The following ADAMTS9 variants were observed in gnomAD, a reference collection of about 807,000 sequenced individuals.
ADAMTS9 encodes ADAM metallopeptidase with thrombospondin type 1 motif 9.
ADAMTS9 carries 107 observed loss-of-function variants against 257.1 expected under a neutral mutation model. That is an observed-to-expected ratio of 0.42 (90% CI 0.36 to 0.49). The LOEUF (loss-of-function observed/expected upper bound fraction) is 0.49. Among genes scored for constraint, ADAMTS9 ranks in the 20% least tolerant of loss-of-function variants. The pLI is 0.03. For missense variants in ADAMTS9, 2,353 were observed against 2,469.1 expected, an observed-to-expected ratio of 0.95 and a Z score of 1.00; for synonymous variants, 982 against 880.9, an observed-to-expected ratio of 1.11 and a Z score of -2.03.
chr3:64,529,936 T>C (rs1402142822), intron 38 of ADAMTS9, among the ~76,000 whole-genome samples: 1 of 151,756 alleles, frequency 6.6e-6, no homozygotes, highest in Non-Finnish European at 1.5e-5. Context: ...CTCAGCCTCC[T>C]GAGTAGCTAA....
chr3:64,539,062 A>G, intron 37 of ADAMTS9, 141 bp downstream of exon 37: 1 of 746,676 alleles, frequency 1.3e-6, no homozygotes. Flanking sequence ...AGAGCATTTG[A>G]GAGGGTCTTG....
At chr3:64,601,206 T>C (rs2084453982) in intron 26 of ADAMTS9, among the ~76,000 whole-genome samples, 2 of 152,260 alleles carry the variant, frequency 1.3e-5, no homozygotes. Context: ...AAGTTCTCAC[T>C]CTGTGGCAGG....
rs184354647 is a variant in ADAMTS9 at position 64,668,852 on chromosome 3, A to G, written c.680-10061T>C. Among the ~76,000 whole-genome samples, 314 of 152,304 alleles carry G rather than the reference A, an allele frequency of 2.1e-3. 1 individual carries two copies. The highest frequency in any genetic ancestry group is 7.5e-3 in the African/African-American group (310 of 41,570). ...GTATCATTCTCATATCAGAGATTAA[A>G]GCGCAGTTGGGCTGGAGCTCTTTAA... On this transcript the variant is annotated intron_variant, in intron 3 of 39. Transcript: ENST00000498707.
chr3:64,655,262 C>G (rs1305961632), intron 6 of ADAMTS9, among the ~76,000 whole-genome samples: 1 of 152,188 alleles, frequency 6.6e-6, no homozygotes, highest in Admixed American at 6.5e-5. Context: ...ACATTTATTC[C>G]TCACTTGGTA....
chr3:64,615,181 G>GC, intron 21 of ADAMTS9, 140 bp downstream of exon 21: 1 of 974,350 alleles, frequency 1.0e-6, no homozygotes, highest in South Asian at 1.6e-5. Flanking sequence ...CAGAGAACTG[G>GC]AGTTGTTTTC....
chr3:64,669,502 TC>T, intron 3 of ADAMTS9, among the ~76,000 whole-genome samples: 1 of 152,136 alleles, frequency 6.6e-6, no homozygotes, highest in Non-Finnish European at 1.5e-5. Flanking sequence ...GATCCTCTTA[TC>T]CATAAAGAGA....
intron 12 of ADAMTS9, 51 bp downstream of exon 12, chr3:64,641,797 T>A (rs765631597): frequency 5.0e-6 from 8 of 1,603,082 alleles, no homozygotes; most frequent in African/African-American, 2.7e-5. Context: ...CCTTTAGGAA[T>A]TTCATGTTCC....
chr3:64,607,360 A>G (rs2084577585), intron 22 of ADAMTS9, among the ~76,000 whole-genome samples: 1 of 152,198 alleles, frequency 6.6e-6, no homozygotes, highest in African/African-American at 2.4e-5. Context: ...CTGCATCTCC[A>G]TCATTTTTAC....
chr3:64,539,654 C>T (rs2083095698), intron 36 of ADAMTS9, among the ~76,000 whole-genome samples: 1 of 152,164 alleles, frequency 6.6e-6, no homozygotes, highest in Non-Finnish European at 1.5e-5. Flanking sequence ...TGAGAACCTC[C>T]TGTTATCCTG....
chr3:64,546,429 C>T (rs1164832872), intron 32 of ADAMTS9, among the ~76,000 whole-genome samples: 1 of 152,128 alleles, frequency 6.6e-6, no homozygotes, highest in Non-Finnish European at 1.5e-5. Context: ...TCTGTGTAAA[C>T]TCATTTCATC....
intron 22 of ADAMTS9, among the ~76,000 whole-genome samples, chr3:64,608,080 T>C (rs1391077996): frequency 4.6e-5 from 7 of 150,606 alleles, no homozygotes; most frequent in Non-Finnish European, 7.4e-5. Context: ...TTGAGATAAA[T>C]TAAAATGAAA....
chr3:64,523,121 T>C (rs1413131968), intron 38 of ADAMTS9, among the ~76,000 whole-genome samples: 1 of 152,226 alleles, frequency 6.6e-6, no homozygotes, highest in Non-Finnish European at 1.5e-5. Context: ...GTTCATTAAA[T>C]CCTGTTTAAC....
At chr3:64,542,022 G>C in intron 32 of ADAMTS9, 52 bp from the exon 33 acceptor site, 1 of 1,609,480 alleles carries the variant, frequency 6.2e-7, no homozygotes, top group East Asian at 2.2e-5. Context: ...GGGAGGCATA[G>C]GCTTCTGGTG....
chr3:64,602,645 A>G (rs976523164), intron 25 of ADAMTS9, among the ~76,000 whole-genome samples: 1 of 152,174 alleles, frequency 6.6e-6, no homozygotes, highest in Non-Finnish European at 1.5e-5. Context: ...GAGGGACTTC[A>G]TACCTACTGC....
intron 39 of ADAMTS9, chr3:64,521,798 G>A: frequency 6.3e-6 from 1 of 159,850 alleles, no homozygotes; most frequent in East Asian, 1.8e-4. Flanking sequence ...AAAGGGAGGA[G>A]GAAGGGAAGG....
intron 28 of ADAMTS9, chr3:64,588,552 C>A (rs1014722117): frequency 6.6e-6 from 1 of 151,996 alleles, no homozygotes; most frequent in South Asian, 2.1e-4. Context: ...TATGCTTGGA[C>A]TCAACCTCTA....
intron 11 of ADAMTS9, among the ~76,000 whole-genome samples, chr3:64,642,346 A>T (rs574067313): frequency 6.6e-5 from 10 of 152,284 alleles, no homozygotes; most frequent in African/African-American, 2.4e-4. Context: ...GAGTTATAAG[A>T]TTTGCATAGT....
chr3:64,560,879 C>T (rs572662608), intron 30 of ADAMTS9, among the ~76,000 whole-genome samples: 2 of 152,104 alleles, frequency 1.3e-5, no homozygotes, highest in African/African-American at 2.4e-5. Context: ...TCTTTCCCCC[C>T]CTTTTCTACA....
In ADAMTS9 at chr3:64,526,236, G is replaced by A. The variant is rs143944427; in HGVS notation, c.5719-3976C>T. On this transcript the variant is annotated intron_variant, in intron 38 of 39. Coordinates refer to ENST00000498707, the MANE Select transcript of ADAMTS9 (RefSeq NM_182920.2). ...TGAGGTGTTGGGTATCCCACTTACC[G>A]TGATTTGATTATTACACATTGTATA... Among the ~76,000 whole-genome samples the A allele has an allele frequency of 1.9e-3, 282 of 151,690 alleles. 1 individual carries two copies. The highest frequency in any genetic ancestry group is 6.2e-3 in the African/African-American group (257 of 41,430).
Sources: gnomAD v4.1 joint callset for allele counts (sites outside exome capture counted in the v4.1 genomes callset) on GRCh38, gnomAD v4.1.1 for gene constraint, MANE v1.5 for transcripts, NCBI Gene and HGNC (gene_info 2026-07-23, HGNC 2026-07-21) for gene names.